HLA-F: variants seen among roughly 807,000 people sequenced by gnomAD.
HLA-F encodes major histocompatibility complex, class I, F.
HLA-F carries 46 observed loss-of-function variants against 49.5 expected under a neutral mutation model. The observed-to-expected ratio is 0.93, with a 90% CI of 0.73 to 1.19. The LOEUF (loss-of-function observed/expected upper bound fraction) is 1.19. HLA-F is among the 50% of genes most tolerant of loss of function. The probability of loss-of-function intolerance (pLI) is 0.00; values close to 1 mark genes in which losing one functional copy is unlikely to be tolerated. For synonymous variants in HLA-F, 203 were observed against 233.5 expected (o/e 0.87, Z 1.19); for missense variants, 496 against 579.6 (o/e 0.86, Z 1.48).
chr6:29,738,293 AGATGTCATT>A (rs1333469021), intron 4 of HLA-F: 1 of 152,126 alleles, frequency 6.6e-6, no homozygotes, highest in Non-Finnish European at 1.5e-5. Context: ...CAGGGTGGAG[AGATGTCATT>A]GCTCATCCTC....
rs746035198 is a variant in HLA-F at position 29,725,504 on chromosome 6, TTGGAGCTGTGGTCAC to T, written c.958_972del (p.Thr320_Val324del). On this transcript the variant is annotated inframe_deletion, in exon 5 of 7. Transcript: ENST00000259951. ...GGCATCGTTGCTGGCCTTGTTGTCC[TTGGAGCTGTGGTCAC>T]TGGAGCTGTGGTCGCTGCTGTGATG... 51 of 1,614,178 alleles carry T rather than the reference TTGGAGCTGTGGTCAC, an allele frequency of 3.2e-5. No individual in the cohort carries two copies. Among genetic ancestry groups the T allele is most frequent in the Non-Finnish European group, 3.9e-5 (46 of 1,180,016 alleles).
chr6:29,726,510 A>G, intron 6 of HLA-F: 3 of 1,540,648 alleles, frequency 1.9e-6, no homozygotes, highest in South Asian at 1.2e-5. Flanking sequence ...GAATAAAAAT[A>G]TATCTTTTTA....
Position 29,723,805 on chromosome 6 carries a change from C to A in HLA-F, c.212C>A (p.Pro71Gln), listed in dbSNP as rs17875380. 0.012 allele frequency: 19,001 copies of A among 1,606,318 alleles called. 156 individuals are homozygous for A. Among genetic ancestry groups the A allele is most frequent in the Non-Finnish European group, 0.014 (16,675 of 1,176,820 alleles). Residue 71 changes from proline to glutamine, a missense_variant, in exon 2 of 7, where the codon CCG (proline) becomes CAG (glutamine). Coordinates refer to ENST00000259951, the MANE Select transcript of HLA-F (RefSeq NM_001098479.2). The part of the protein sequence containing the change: ...AAIPRMEPRE[P>Q]WVEQEGPQYW... Reference sequence around the variant, plus strand: ...ATTCCGAGGATGGAGCCGCGGGAGCCGTGGGTGGAGCAAGAGGGGCCGCAG... The same window carrying A: ...ATTCCGAGGATGGAGCCGCGGGAGCAGTGGGTGGAGCAAGAGGGGCCGCAG...
chr6:29,737,241 A>AC (rs1777194776), intron 3 of HLA-F, among the ~76,000 whole-genome samples: 6 of 132,824 alleles, frequency 4.5e-5, no homozygotes, highest in Admixed American at 7.7e-5. Context: ...AAAAAAAAAA[A>AC]CCCTGAATAG....
intron 4 of HLA-F, 41 bp from the exon 5 acceptor site, chr6:29,725,406 G>A (rs17184813): frequency 0.02 from 31,472 of 1,609,956 alleles, 399 homozygotes; most frequent in Admixed American, 0.046. Flanking sequence ...CAGGGCTGAG[G>A]CCTGGAGATC....
downstream of HLA-F, chr6:29,727,436 A>T: frequency 2.5e-6 from 1 of 398,130 alleles, no homozygotes; most frequent in Admixed American, 4.1e-5. Flanking sequence ...ATAACAATCA[A>T]CCCATCTTTT....
intron 3 of HLA-F, among the ~76,000 whole-genome samples, chr6:29,733,053 G>A (rs1002074339): frequency 6.6e-6 from 1 of 152,092 alleles, no homozygotes; most frequent in African/African-American, 2.4e-5. Context: ...GCTGGGCCTG[G>A]TGGCGCATGC....
At chr6:29,725,894 G>A (rs1776000990) in intron 5 of HLA-F, 117 bp from the exon 6 acceptor site, 3 of 1,124,104 alleles carry the variant, frequency 2.7e-6, no homozygotes, top group Non-Finnish European at 4.0e-6. Context: ...ATCCTGCCCT[G>A]GATCTACAGT....
At chr6:29,730,815 C>T (rs540639683), downstream of HLA-F, among the ~76,000 whole-genome samples, 3 of 151,942 alleles carry the variant, frequency 2.0e-5, no homozygotes, top group African/African-American at 4.8e-5. Context: ...AGTCTCTCAC[C>T]GTTTCCTACA....
At chr6:29,732,397 C>T (rs995419885) in intron 3 of HLA-F, among the ~76,000 whole-genome samples, 1 of 152,140 alleles carries the variant, frequency 6.6e-6, no homozygotes, top group Non-Finnish European at 1.5e-5. Context: ...AGTTACATCA[C>T]CTCCTTATCT....
rs1012733641 is a variant in HLA-F, at chr6:29,737,249, T to C, written c.404-873T>C. ...AAAAAAAAAAAAAAAAAACCCTGAA[T>C]AGACGCAAACCTCTATAACAAACTA... On this transcript the variant is annotated intron_variant, in intron 3 of 4. Coordinates refer to the HLA-F transcript ENST00000465459. Among the ~76,000 whole-genome samples the C allele has an allele frequency of 2.3e-4, 21 of 92,772 alleles. 1 individual carries two copies. The highest frequency in any genetic ancestry group is 8.2e-4 in the Admixed American group (7 of 8,534). The allele number at this position is 92,772 out of a possible 152,430, so 60.9% of individuals were successfully genotyped here.
Position 29,727,012 on chromosome 6 carries a change from AC to A in HLA-F, c.1167del (p.Asp389GlufsTer45). 1 of 1,613,530 alleles carries A rather than the reference AC, an allele frequency of 6.2e-7. No homozygotes were observed. Among genetic ancestry groups the A allele is most frequent in the Non-Finnish European group, 8.5e-7 (1 of 1,180,026 alleles). On this transcript the variant is annotated frameshift_variant, in exon 7 of 7. Coordinates refer to ENST00000259951, the MANE Select transcript of HLA-F (RefSeq NM_001098479.2). LOFTEE classifies it high-confidence loss of function. Reference protein sequence around the residue: ...HSVLGRRKVGDMWILFFLWLW... With the variant: ...HSVLGRRKVGXMWILFFLWLW... ...GTCTTGGGCCGCCGGAAGGTGGGTG[AC>A]ATGTGGATCTTGTTTTTTTTGTGGC...
At chr6:29,737,237 A>AAAAAAAAAAAAAAAAAAAAAC (rs1562312666) in intron 3 of HLA-F, among the ~76,000 whole-genome samples, 1 of 150,452 alleles carries the variant, frequency 6.6e-6, no homozygotes, top group Admixed American at 6.6e-5. Context: ...AAAAAAAAAA[A>AAAAAAAAAAAAAAAAAAAAAC]AAAACCCTGA....
chr6:29,738,417 G>A (rs550004102), exon 5 of HLA-F: 1 of 152,288 alleles, frequency 6.6e-6, no homozygotes, highest in Non-Finnish European at 1.5e-5. Flanking sequence ...GATGCTTCTT[G>A]ACACAGGAAA....
downstream of HLA-F, among the ~76,000 whole-genome samples, chr6:29,732,105 C>CCT (rs1248299655): frequency 1.3e-5 from 2 of 151,232 alleles, no homozygotes; most frequent in Non-Finnish European, 2.9e-5. Flanking sequence ...CCTAGGACTA[C>CCT]AGGCTCATGC....
At chr6:29,726,117 C>T in intron 6 of HLA-F, 74 bp downstream of exon 6, 1 of 1,391,488 alleles carries the variant, frequency 7.2e-7, no homozygotes, top group South Asian at 1.2e-5. Context: ...GCTCACCCAC[C>T]CCACAGTTCC....
At chr6:29,727,877 C>T, downstream of HLA-F, 3 of 491,842 alleles carry the variant, frequency 6.1e-6, no homozygotes, top group Admixed American at 6.0e-5. Context: ...GGCCAGGCCC[C>T]TCCAGACCTA....
At chr6:29,726,259 T>C (rs779955774) in intron 6 of HLA-F, 2 of 965,228 alleles carry the variant, frequency 2.1e-6, no homozygotes, top group South Asian at 1.3e-5. Context: ...CTGATGTGAG[T>C]GGGGTGTTGG....
Position 29,725,556 on chromosome 6 carries a change from G to C in HLA-F, c.996G>C (p.Lys332Asn), listed in dbSNP as rs113908157. ...AVVAAVMWRK[K>N]SSDRNRGSYS... ...TCGCTGCTGTGATGTGGAGGAAGAA[G>C]AGCTCAGGTAGGAAGGGGTGAGGAG... Residue 332 changes from lysine (K) to asparagine (N), a missense_variant, in exon 5 of 7, where the codon AAG (lysine) becomes AAC (asparagine). Transcript: ENST00000259951. 3.1e-6 allele frequency: 5 copies of C among 1,613,752 alleles called. No individual in the cohort carries two copies. The African/African-American group carries it at 6.7e-5, about 22-fold the overall frequency.
Sources: allele counts gnomAD v4.1 joint callset (sites outside exome capture counted in the v4.1 genomes callset), GRCh38; gene constraint gnomAD v4.1.1; transcripts MANE v1.5; gene names NCBI Gene and HGNC (gene_info 2026-07-23, HGNC 2026-07-21).